IFT88: variants seen among roughly 807,000 people sequenced by gnomAD.
The protein encoded by IFT88 is intraflagellar transport protein 88 homolog.
In IFT88, 74 loss-of-function variants were observed where a neutral mutation model predicts 119.5. The observed-to-expected ratio is 0.62, with a 90% CI of 0.51 to 0.75. IFT88 has a LOEUF of 0.75. IFT88 is among the 30% of genes least tolerant of loss of function. The probability of loss-of-function intolerance (pLI) is 0.00; values close to 1 mark genes in which losing one functional copy is unlikely to be tolerated. For synonymous variants in IFT88, 279 were observed against 316.7 expected, an observed-to-expected ratio of 0.88 and a Z score of 1.26; for missense variants, 961 against 977.7, an observed-to-expected ratio of 0.98 and a Z score of 0.23.
intron 2 of IFT88, among the ~76,000 whole-genome samples, chr13:20,582,403 C>A (rs2038870487): frequency 6.6e-6 from 1 of 152,082 alleles, no homozygotes; most frequent in South Asian, 2.1e-4. Flanking sequence ...TTGTTGAGCC[C>A]CCCCATTTGC....
intron 24 of IFT88, among the ~76,000 whole-genome samples, chr13:20,677,388 TC>T (rs112404233): frequency 0.065 from 9,938 of 152,216 alleles, 406 homozygotes; most frequent in Non-Finnish European, 0.08. Context: ...CAAGCAATGG[TC>T]CTTGTAAAAT....
intron 16 of IFT88, 59 bp from the exon 17 acceptor site, chr13:20,638,273 G>A: frequency 1.1e-6 from 1 of 911,874 alleles, no homozygotes; most frequent in Admixed American, 3.1e-5. Flanking sequence ...TGTAATCTCA[G>A]AACAGTCAGA....
intron 24 of IFT88, among the ~76,000 whole-genome samples, chr13:20,684,381 C>G (rs1188914689): frequency 1.3e-5 from 2 of 152,114 alleles, no homozygotes; most frequent in Non-Finnish European, 1.5e-5. Flanking sequence ...CCTCTCCCTC[C>G]TTTGTCTCTT....
intron 22 of IFT88, among the ~76,000 whole-genome samples, chr13:20,662,536 T>G (rs1371572737): frequency 1.3e-5 from 2 of 152,212 alleles, no homozygotes; most frequent in African/African-American, 4.8e-5. Context: ...CTGATGAACA[T>G]CTATGTCTCT....
chr13:20,574,328 A>G, intron 1 of IFT88, 52 bp from the exon 2 acceptor site: 2 of 973,314 alleles, frequency 2.1e-6, no homozygotes, highest in Non-Finnish European at 3.1e-6. Context: ...CAAAAAATAT[A>G]TATATATATT....
At chr13:20,570,414 T>G (rs1174075505) in intron 1 of IFT88, among the ~76,000 whole-genome samples, 1 of 152,198 alleles carries the variant, frequency 6.6e-6, no homozygotes, top group African/African-American at 2.4e-5. Context: ...ATGCTAAAAC[T>G]TGTACACACA....
chr13:20,675,470 A>C (rs1260029915), intron 24 of IFT88, among the ~76,000 whole-genome samples: 1 of 152,230 alleles, frequency 6.6e-6, no homozygotes, highest in Non-Finnish European at 1.5e-5. Flanking sequence ...GCACCAAAGT[A>C]GTCTCAGTGT....
intron 13 of IFT88, among the ~76,000 whole-genome samples, chr13:20,615,542 G>C (rs1213646905): frequency 2.0e-5 from 3 of 152,102 alleles, no homozygotes; most frequent in African/African-American, 7.2e-5. Flanking sequence ...TTGTCAGAAG[G>C]CATCATAAAG....
intron 20 of IFT88, among the ~76,000 whole-genome samples, chr13:20,645,162 T>C (rs1594584526): frequency 6.6e-6 from 1 of 152,326 alleles, no homozygotes; most frequent in Non-Finnish European, 1.5e-5. Context: ...TGATCTCGGC[T>C]CACTGCAACC....
At chr13:20,675,721 G>A (rs986498849) in intron 24 of IFT88, among the ~76,000 whole-genome samples, 3 of 152,340 alleles carry the variant, frequency 2.0e-5, no homozygotes, top group Non-Finnish European at 4.4e-5. Flanking sequence ...AAATGTGATA[G>A]TGTTCTATAA....
At chr13:20,625,722 G>A in intron 14 of IFT88, 28 bp from the exon 15 acceptor site, 1 of 1,487,212 alleles carries the variant, frequency 6.7e-7, no homozygotes, top group East Asian at 2.3e-5. Context: ...ACAAAATCAA[G>A]TAAGGTTTTT....
chr13:20,576,147 T>TG (rs1395747859), intron 2 of IFT88, among the ~76,000 whole-genome samples: 1 of 152,238 alleles, frequency 6.6e-6, no homozygotes, highest in African/African-American at 2.4e-5. Flanking sequence ...TTCATATACA[T>TG]GCTTGCCATT....
At chr13:20,628,939 T>C (rs2047763901) in intron 15 of IFT88, among the ~76,000 whole-genome samples, 1 of 152,172 alleles carries the variant, frequency 6.6e-6, no homozygotes, top group South Asian at 2.1e-4. Flanking sequence ...ACACATTTCC[T>C]TGACTATAAT....
At chr13:20,643,667 G>A (rs1202681829) in intron 19 of IFT88, 62 bp downstream of exon 19, 3 of 1,145,214 alleles carry the variant, frequency 2.6e-6, no homozygotes, top group Non-Finnish European at 3.7e-6. Context: ...TATAAAGAAG[G>A]CAGCAAGGCT....
At chr13:20,652,408 A>G (rs1364041716) in intron 20 of IFT88, among the ~76,000 whole-genome samples, 3 of 152,114 alleles carry the variant, frequency 2.0e-5, no homozygotes, top group Non-Finnish European at 4.4e-5. Context: ...AGGATGAGAC[A>G]GGCGGATCGC....
At chr13:20,662,946 T>C (rs1368918921) in intron 22 of IFT88, among the ~76,000 whole-genome samples, 1 of 152,218 alleles carries the variant, frequency 6.6e-6, no homozygotes, top group African/African-American at 2.4e-5. Context: ...ATACAAGACA[T>C]GATTAACACA....
At chr13:20,597,492 C>T (rs929850420) in intron 9 of IFT88, among the ~76,000 whole-genome samples, 13 of 152,020 alleles carry the variant, frequency 8.6e-5, no homozygotes, top group Non-Finnish European at 1.5e-4. Flanking sequence ...CGCCTGTAAT[C>T]CCAGCACTTT....
Position 20,601,941 on chromosome 13 carries a change from T to C in IFT88, c.1041+8T>C, listed in dbSNP as rs1367281605. On this transcript the variant is annotated splice_region_variant and intron_variant, in intron 12 of 25. Transcript: ENST00000351808. ...AAATATATTTCACCAAGTGTGAGTA[T>C]GAAAAAGACATTTCTGTAGCCACTT... The C allele has an allele frequency of 3.4e-6, 5 of 1,461,168 alleles. No homozygotes were observed. In the African/African-American group the frequency reaches 4.2e-5, roughly 12 times the overall value. 90.5% of individuals were successfully genotyped at this position (1,461,168 alleles called of 1,614,324 possible).
intron 2 of IFT88, 78 bp downstream of exon 2, chr13:20,574,553 A>G (rs2037004931): frequency 8.5e-6 from 6 of 709,540 alleles, no homozygotes; most frequent in African/African-American, 1.8e-5. Flanking sequence ...TGAGAGTTCT[A>G]CTTTATTATG....
Sources: allele counts gnomAD v4.1 joint callset (sites outside exome capture counted in the v4.1 genomes callset), GRCh38; gene constraint gnomAD v4.1.1; transcripts MANE v1.5; gene names NCBI Gene and HGNC (gene_info 2026-07-23, HGNC 2026-07-21).